Variants in PDE4DIP observed in about 807,000 individuals in gnomAD.
The protein encoded by PDE4DIP is phosphodiesterase 4D interacting protein.
Under a neutral mutation model 221.4 loss-of-function variants are expected in PDE4DIP, and 59 were observed. That is an observed-to-expected ratio of 0.27 (90% CI 0.22 to 0.33). PDE4DIP has a LOEUF of 0.33. Ranked by LOEUF, PDE4DIP falls within the 10% of genes least tolerant of loss-of-function variation. PDE4DIP has a pLI of 1.00. For synonymous variants in PDE4DIP, 404 were observed against 815.9 expected (o/e 0.50, Z 8.60); for missense variants, 1,036 against 2,154.2 (o/e 0.48, Z 10.28).
At chr1:148,893,065 C>CTGTGTG (rs60364665) in intron 1 of PDE4DIP, among the ~76,000 whole-genome samples, 923 of 77,444 alleles carry the variant, frequency 0.012, 4 homozygotes, top group Middle Eastern at 0.033. Flanking sequence ...ATGTGTGTGT[C>CTGTGTG]TGTGTGTGTG....
intron 22 of PDE4DIP, among the ~76,000 whole-genome samples, chr1:148,995,887 A>G (rs1553564212): frequency 6.7e-6 from 1 of 149,830 alleles, no homozygotes; most frequent in African/African-American, 2.4e-5. Flanking sequence ...AAAATAAAAA[A>G]TAAAAAAAGA....
At chr1:148,956,015 A>G (rs587762898) in intron 5 of PDE4DIP, among the ~76,000 whole-genome samples, 14 of 152,270 alleles carry the variant, frequency 9.2e-5, no homozygotes, top group South Asian at 4.1e-4. Context: ...CGGTGTATCT[A>G]TTGTTTAAAT....
exon 32 of PDE4DIP, chr1:149,012,693 T>C (rs782648379): frequency 8.7e-6 from 14 of 1,613,810 alleles, no homozygotes; most frequent in African/African-American, 1.3e-5. Flanking sequence ...GGCCCTCTCC[T>C]CCTTGGCTGC....
intron 13 of PDE4DIP, 149 bp from the exon 17 acceptor site, chr1:148,968,687 G>A: frequency 3.3e-6 from 2 of 602,640 alleles, no homozygotes; most frequent in Admixed American, 2.9e-5. Flanking sequence ...GCCTGTGCTA[G>A]ATCTGGTAAA....
intron 5 of PDE4DIP, chr1:148,952,196 C>G: frequency 1.9e-6 from 2 of 1,038,452 alleles, no homozygotes; most frequent in Non-Finnish European, 2.3e-6. Context: ...GTGGCCCGCG[C>G]CAGTAGTGCT....
chr1:148,964,103 C>A (rs1420295817), intron 9 of PDE4DIP, among the ~76,000 whole-genome samples: 2 of 138,772 alleles, frequency 1.4e-5, no homozygotes, highest in Non-Finnish European at 1.5e-5. Context: ...TCTTTTCTTT[C>A]TTTCTTTCAT....
intron 22 of PDE4DIP, among the ~76,000 whole-genome samples, chr1:148,995,651 G>T (rs2064033032): frequency 6.6e-6 from 1 of 150,714 alleles, no homozygotes. Flanking sequence ...TAGACCTAAT[G>T]GATTCACACT....
chr1:148,944,386 C>T (rs1553482139), intron 5 of PDE4DIP, among the ~76,000 whole-genome samples: 1 of 145,238 alleles, frequency 6.9e-6, no homozygotes, highest in East Asian at 2.0e-4. Context: ...TAGAGTGGAG[C>T]CAGATTCAGA....
intron 1 of PDE4DIP, among the ~76,000 whole-genome samples, chr1:148,827,244 CTTTTTTT>C (rs67632049): frequency 2.9e-5 from 1 of 34,126 alleles, no homozygotes; most frequent in Non-Finnish European, 6.0e-5. Context: ...GTGTTATATT[CTTTTTTT>C]TTTTTTTTTT....
exon 24 of PDE4DIP, chr1:149,001,726 G>A (rs1553577084): frequency 1.3e-6 from 2 of 1,487,650 alleles, no homozygotes; most frequent in Non-Finnish European, 1.9e-6. Flanking sequence ...TAACCAAAGA[G>A]GGTCTGAGTG....
chr1:149,024,136 T>C lies in PDE4DIP; in HGVS notation c.6086-309T>C, dbSNP rs587608989. ...AGTGCTGACCTTCTACCTTGGAGTA[T>C]CCTATACTTTAGCCTACAGGATTAA... is the stretch of plus-strand genomic sequence containing the variant. On this transcript the variant is annotated intron_variant, in intron 37 of 43. Transcript: ENST00000369354. 929 of 217,800 alleles carry C rather than the reference T, an allele frequency of 4.3e-3. 5 individuals are homozygous for C. The highest frequency in any genetic ancestry group is 7.5e-3 in the Admixed American group (142 of 18,874). The allele number at this position is 217,800 out of a possible 1,614,324, so 13.5% of individuals were successfully genotyped here. A position where few individuals can be genotyped will look rare whatever the true frequency, so the allele number is the denominator to read the frequency against.
intron 21 of PDE4DIP, 170 bp from the exon 25 acceptor site, chr1:148,991,715 C>T (rs2063105701): frequency 4.8e-6 from 1 of 208,084 alleles, no homozygotes; most frequent in Admixed American, 6.5e-5. Flanking sequence ...GTCTGTGATA[C>T]AAAAAGTTCT....
In PDE4DIP at chr1:148,834,305, G is replaced by A. The variant is rs9424800; in HGVS notation, c.233+25568G>A. On this transcript the variant is annotated intron_variant, in intron 1 of 45. Coordinates refer to the PDE4DIP transcript ENST00000524974. ...TTTGCTTGGTAGATCTTCCTCCATC[G>A]CTTTATTTTGAGCCTATGTGTGTCT... Among the ~76,000 whole-genome samples the A allele has an allele frequency of 9.8e-3, 1,158 of 118,118 alleles. 2 individuals are homozygous for A. The highest frequency in any genetic ancestry group is 0.03 in the African/African-American group (1,077 of 35,576). The allele number at this position is 118,118 out of a possible 152,430, so 77.5% of individuals were successfully genotyped here.
At chr1:148,919,566 T>C (rs1346959190) in intron 1 of PDE4DIP, among the ~76,000 whole-genome samples, 2 of 151,834 alleles carry the variant, frequency 1.3e-5, no homozygotes, top group African/African-American at 2.4e-5. Context: ...CCCTGTTTTA[T>C]AGAGTTATGA....
At chr1:148,989,298 AG>A (rs2062532329) in intron 21 of PDE4DIP, 1 of 729,306 alleles carries the variant, frequency 1.4e-6, no homozygotes. Flanking sequence ...AGCTTAAAAA[AG>A]AGAGAATGAA....
chr1:148,929,376 A>G lies in PDE4DIP; in HGVS notation c.218+103A>G. The G allele has an allele frequency of 4.2e-6, 6 of 1,439,226 alleles. No individual in the cohort carries two copies. In the South Asian group the frequency reaches 7.8e-5, roughly 19 times the overall value. 89.2% of individuals were successfully genotyped at this position (1,439,226 alleles called of 1,614,324 possible). A position where few individuals can be genotyped will look rare whatever the true frequency, so the allele number is the denominator to read the frequency against. On this transcript the variant is annotated intron_variant, in intron 2 of 43. Coordinates refer to ENST00000369354, the Ensembl canonical transcript of PDE4DIP. ...TCCTTAACCTATCTGTGGCATTTGA[A>G]TCCTGTATCTGATTCAGGAACTGAA...
At chr1:149,017,427 GC>G (rs1559358619) in intron 33 of PDE4DIP, among the ~76,000 whole-genome samples, 1 of 152,300 alleles carries the variant, frequency 6.6e-6, no homozygotes, top group East Asian at 1.9e-4. Context: ...CCAGGAGGTG[GC>G]CACACCTTTC....
At chr1:148,977,395 T>C (rs1325917331) in intron 17 of PDE4DIP, among the ~76,000 whole-genome samples, 1 of 90,178 alleles carries the variant, frequency 1.1e-5, no homozygotes, top group Non-Finnish European at 2.2e-5. Flanking sequence ...CTTGTCATTT[T>C]CTGATGAGAA....
chr1:149,016,124 A>C (rs1198183833), intron 32 of PDE4DIP, among the ~76,000 whole-genome samples, 175 bp from the exon 36 acceptor site: 13 of 142,462 alleles, frequency 9.1e-5, no homozygotes, highest in South Asian at 2.5e-4. Flanking sequence ...AAAGGGTGAG[A>C]GTTACAACCT....
Sources: allele counts gnomAD v4.1 joint callset (sites outside exome capture counted in the v4.1 genomes callset), GRCh38; gene constraint gnomAD v4.1.1; transcripts MANE v1.5; gene names NCBI Gene and HGNC (gene_info 2026-07-23, HGNC 2026-07-21).